CEP170: variants seen among roughly 807,000 people sequenced by gnomAD.
The protein encoded by CEP170 is centrosomal protein of 170 kDa.
Under a neutral mutation model 151.9 loss-of-function variants are expected in CEP170, and 21 were observed. The observed-to-expected ratio is 0.14, with a 90% CI of 0.10 to 0.20. The LOEUF (loss-of-function observed/expected upper bound fraction) is 0.20, where lower values mean the gene tolerates loss of function less well. Among genes scored for constraint, CEP170 ranks in the 10% least tolerant of loss-of-function variants. The pLI, the probability that CEP170 is intolerant of heterozygous loss-of-function variation, is 1.00. For missense variants in CEP170, 964 were observed against 1,892.9 expected, an observed-to-expected ratio of 0.51 and a Z score of 9.11; for synonymous variants, 356 against 648.8, an observed-to-expected ratio of 0.55 and a Z score of 6.86.
intron 10 of CEP170, among the ~76,000 whole-genome samples, chr1:243,180,096 G>A (rs1311754737): frequency 2.0e-5 from 3 of 152,024 alleles, no homozygotes; most frequent in Non-Finnish European, 4.4e-5. Flanking sequence ...TTGCTAAGAC[G>A]ATAAATTTTC....
At chr1:243,184,248 T>C (rs1418256024) in intron 10 of CEP170, among the ~76,000 whole-genome samples, 1 of 152,088 alleles carries the variant, frequency 6.6e-6, no homozygotes, top group African/African-American at 2.4e-5. Flanking sequence ...AACTGAGGCT[T>C]AAAGAGGTAA....
At chr1:243,186,541 T>C (rs2148722820) in intron 8 of CEP170, 119 bp from the exon 9 acceptor site, 2 of 1,094,948 alleles carry the variant, frequency 1.8e-6, no homozygotes, top group Non-Finnish European at 1.3e-6. Flanking sequence ...CAAAGTCATA[T>C]GTTCTCTTCA....
At position 243,165,192 on chromosome 1, in the gene CEP170, T is replaced by C. The variant is rs776179272; in HGVS notation, c.2768A>G (p.Tyr923Cys). The change falls in exon 13 of 20, where the codon TAT becomes TGT. Residue 923 changes from tyrosine to cysteine, a missense_variant. By Grantham distance (194) the Tyr-to-Cys change is radical. Transcript: ENST00000366542. ...TGGTGAAATAGAATTGTCTCTATTA[T>C]AACTGGGAGTATCTGGTCCTTCATC... The part of the protein sequence containing the change: ...KTDEGPDTPS[Y>C]NRDNSISPES... 3.1e-6 allele frequency: 5 copies of C among 1,613,726 alleles called. No individual in the cohort carries two copies. The highest frequency in any genetic ancestry group is 4.2e-6 in the Non-Finnish European group (5 of 1,179,708).
intron 11 of CEP170, among the ~76,000 whole-genome samples, chr1:243,170,158 C>T (rs2058726004): frequency 6.6e-6 from 1 of 152,126 alleles, no homozygotes; most frequent in South Asian, 2.1e-4. Context: ...GAGGCCGAGG[C>T]AGGTGGATAA....
At chr1:243,186,691 T>C (rs1463945207) in intron 8 of CEP170, among the ~76,000 whole-genome samples, 1 of 152,216 alleles carries the variant, frequency 6.6e-6, no homozygotes, top group African/African-American at 2.4e-5. Flanking sequence ...AATGTCTTAA[T>C]AGATAATTGA....
At chr1:243,136,525 T>G (rs1159000211) in intron 16 of CEP170, among the ~76,000 whole-genome samples, 2 of 152,244 alleles carry the variant, frequency 1.3e-5, no homozygotes, top group Non-Finnish European at 2.9e-5. Flanking sequence ...CAATTAATAT[T>G]GTGATCCTGT....
At chr1:243,137,234 G>C (rs1286214289) in intron 16 of CEP170, among the ~76,000 whole-genome samples, 7 of 152,346 alleles carry the variant, frequency 4.6e-5, no homozygotes, top group South Asian at 2.1e-4. Flanking sequence ...CAAAGCTAAC[G>C]AAGCATGGTA....
At position 243,163,729 on chromosome 1, in the gene CEP170, A is replaced by G. The variant is rs139472571; in HGVS notation, c.3676+555T>C. ...TTTCACCTGCTCCAACTATAAACAG[A>G]TTTAACTTTAAAAAGTATAGGTAAA... On this transcript the variant is annotated intron_variant, in intron 13 of 19. Coordinates refer to ENST00000366542, the MANE Select transcript of CEP170 (RefSeq NM_014812.3). 6.4e-3 allele frequency among the ~76,000 whole-genome samples: 977 copies of G among 152,304 alleles called. 9 individuals carry two copies. The highest frequency in any genetic ancestry group is 0.012 in the Admixed American group (189 of 15,300).
At chr1:243,231,197 A>G (rs2063729630) in intron 1 of CEP170, among the ~76,000 whole-genome samples, 1 of 150,222 alleles carries the variant, frequency 6.7e-6, no homozygotes, top group South Asian at 2.1e-4. Context: ...CATCATTATT[A>G]TTATTATTAT....
chr1:243,129,606 C>G (rs1273499790), intron 17 of CEP170, among the ~76,000 whole-genome samples, 153 bp from the exon 18 acceptor site: 2 of 152,040 alleles, frequency 1.3e-5, no homozygotes, highest in Non-Finnish European at 2.9e-5. Flanking sequence ...ACTAAGCCAA[C>G]AGTACCAATT....
chr1:243,224,679 C>G (rs1347086491), intron 2 of CEP170, among the ~76,000 whole-genome samples: 1 of 152,112 alleles, frequency 6.6e-6, no homozygotes, highest in Admixed American at 6.6e-5. Context: ...GAGTAACTTA[C>G]AGTAACTTTT....
chr1:243,175,664 G>GTTC (rs2059181451), intron 10 of CEP170, among the ~76,000 whole-genome samples: 1 of 152,162 alleles, frequency 6.6e-6, no homozygotes, highest in African/African-American at 2.4e-5. Flanking sequence ...AGTATGCTAG[G>GTTC]TTCTCTCACC....
At chr1:243,217,021 A>C (rs949023705) in intron 3 of CEP170, among the ~76,000 whole-genome samples, 5 of 152,218 alleles carry the variant, frequency 3.3e-5, no homozygotes, top group African/African-American at 1.2e-4. Context: ...GTACTTACAC[A>C]AACCTAGATA....
chr1:243,195,205 C>T (rs1038223995), intron 7 of CEP170, among the ~76,000 whole-genome samples: 1 of 151,358 alleles, frequency 6.6e-6, no homozygotes, highest in Non-Finnish European at 1.5e-5. Context: ...AATTTAGTTT[C>T]GCTGGATTAA....
chr1:243,126,534 T>C lies in CEP170; in HGVS notation c.4670A>G (p.Asn1557Ser), dbSNP rs763112826. The stretch of plus-strand genomic sequence containing the variant: ...ACTGAAATCAGCCTCAGATTCAGCA[T>C]TCTCAAATTCAGCTGCGGCTGAAAC... The part of the protein sequence containing the change: ...AAVSAAAEFE[N>S]AESEADFSIH... The change falls in exon 20 of 20, where the codon AAT (asparagine) becomes AGT (serine). Residue 1557 changes from asparagine (N) to serine (S), a missense_variant. Transcript: ENST00000366542. 1.2e-6 allele frequency: 2 copies of C among 1,600,174 alleles called. No individual in the cohort carries two copies. Among genetic ancestry groups the C allele is most frequent in the Non-Finnish European group, 1.7e-6 (2 of 1,172,478 alleles).
chr1:243,244,959 A>G (rs896182201), intron 1 of CEP170, among the ~76,000 whole-genome samples: 2 of 152,210 alleles, frequency 1.3e-5, no homozygotes, highest in African/African-American at 4.8e-5. Flanking sequence ...AAATTTGACT[A>G]TATACATGTT....
chr1:243,129,855 A>AGG (rs1558358699), intron 17 of CEP170, among the ~76,000 whole-genome samples: 3 of 151,766 alleles, frequency 2.0e-5, no homozygotes, highest in Non-Finnish European at 2.9e-5. Context: ...ATTTTGGGAG[A>AGG]GGGAGAGAGA....
Position 243,140,028 on chromosome 1 carries a change from T to C in CEP170, c.4139A>G (p.Asn1380Ser). 1 of 1,614,012 alleles carries C rather than the reference T, an allele frequency of 6.2e-7. No individual in the cohort carries two copies. The highest frequency in any genetic ancestry group is 8.5e-7 in the Non-Finnish European group (1 of 1,179,886). The change falls in exon 16 of 20, where the codon AAC becomes AGC. Residue 1380 changes from asparagine to serine, a missense_variant. By Grantham distance (46) the Asn-to-Ser change is conservative. Coordinates refer to ENST00000366542, the MANE Select transcript of CEP170 (RefSeq NM_014812.3). Reference sequence around the variant, plus strand: ...TCTTGGATCACCAGATCGACCGTTGTTTCCTTCTGGTGTTTTGGAATGAAC... The same window carrying C: ...TCTTGGATCACCAGATCGACCGTTGCTTCCTTCTGGTGTTTTGGAATGAAC... The part of the protein sequence containing the change: ...PLVHSKTPEG[N>S]NGRSGDPRPQ...
intron 13 of CEP170, 64 bp from the exon 14 acceptor site, chr1:243,156,519 AGTC>A (rs1261024879): frequency 1.1e-5 from 16 of 1,445,768 alleles, no homozygotes; most frequent in Non-Finnish European, 1.5e-5. Context: ...GTAAAATAAA[AGTC>A]ATGACTTCAA....
Sources: allele counts gnomAD v4.1 joint callset (sites outside exome capture counted in the v4.1 genomes callset), GRCh38; gene constraint gnomAD v4.1.1; transcripts MANE v1.5; gene names NCBI Gene and HGNC (gene_info 2026-07-23, HGNC 2026-07-21).